NGLY1: variants seen among roughly 807,000 people sequenced by gnomAD.
NGLY1 encodes N-glycanase 1.
In NGLY1, 68 loss-of-function variants were observed where a neutral mutation model predicts 84.6. That is an observed-to-expected ratio of 0.80 (90% CI 0.66 to 0.98). The LOEUF is 0.98. Ranked by LOEUF, NGLY1 falls within the 50% of genes least tolerant of loss-of-function variation. The probability of loss-of-function intolerance (pLI) is 0.00; values close to 1 mark genes in which losing one functional copy is unlikely to be tolerated. For missense variants in NGLY1, 779 were observed against 770.2 expected (o/e 1.01, Z -0.14); for synonymous variants, 280 against 275.2 (o/e 1.02, Z -0.17).
At chr3:25,773,268 T>C (rs1247453417) in intron 2 of NGLY1, among the ~76,000 whole-genome samples, 1 of 152,124 alleles carries the variant, frequency 6.6e-6, no homozygotes, top group African/African-American at 2.4e-5. Flanking sequence ...ACACTAATTA[T>C]TCTTGGGTTT....
chr3:25,758,464 G>A (rs1385703959), intron 3 of NGLY1, among the ~76,000 whole-genome samples: 3 of 152,126 alleles, frequency 2.0e-5, no homozygotes, highest in African/African-American at 4.8e-5. Flanking sequence ...TGTAGTCCCA[G>A]CTACTTGGAA....
chr3:25,777,614 G>T (rs760707568), intron 2 of NGLY1: 3 of 152,146 alleles, frequency 2.0e-5, no homozygotes, highest in Non-Finnish European at 4.4e-5. Flanking sequence ...TACCTGAGAT[G>T]TTTCAAGTCA....
rs796112007 is a variant in NGLY1 at position 25,720,124 on chromosome 3, A to G, written c.1679T>C (p.Val560Ala). ...YISWKFECGS[V>A]GLKVDSISIR... ...AGAAATGCTATCTACTTTTAGGCCA[A>G]CTGACCCACACTCAAACTTCCAGGA... Residue 560 changes from valine to alanine, a missense_variant, in exon 11 of 12, where the codon GTT becomes GCT. Physicochemically the swap from Val to Ala is moderately conservative, Grantham distance 64 (BLOSUM62 0). Coordinates refer to ENST00000280700, the MANE Select transcript of NGLY1 (RefSeq NM_018297.4). The G allele has an allele frequency of 1.9e-6, 3 of 1,613,904 alleles. No homozygotes were observed. The highest frequency in any genetic ancestry group is 1.1e-5 in the South Asian group (1 of 91,066).
At chr3:25,737,154 A>C in intron 6 of NGLY1, 180 bp downstream of exon 6, 1 of 519,004 alleles carries the variant, frequency 1.9e-6, no homozygotes, top group Admixed American at 3.7e-5. Flanking sequence ...TGTTTTACAA[A>C]ACTCTTGTGA....
At chr3:25,767,565 A>C (rs1575654386) in intron 2 of NGLY1, among the ~76,000 whole-genome samples, 1 of 152,240 alleles carries the variant, frequency 6.6e-6, no homozygotes, top group Admixed American at 6.5e-5. Flanking sequence ...CTGTAGGGTC[A>C]CAGATCCATT....
At chr3:25,750,717 T>C (rs1045924314) in intron 4 of NGLY1, among the ~76,000 whole-genome samples, 6 of 152,218 alleles carry the variant, frequency 3.9e-5, no homozygotes, top group African/African-American at 9.6e-5. Flanking sequence ...TATACTATTA[T>C]TGTACTTCTT....
intron 8 of NGLY1, among the ~76,000 whole-genome samples, chr3:25,732,707 C>T (rs960863091): frequency 6.6e-6 from 1 of 152,166 alleles, no homozygotes; most frequent in African/African-American, 2.4e-5. Context: ...CTATTTCCAA[C>T]TCTCCATGAG....
At chr3:25,749,185 T>C (rs1444846240) in intron 4 of NGLY1, among the ~76,000 whole-genome samples, 2 of 152,198 alleles carry the variant, frequency 1.3e-5, no homozygotes, top group Non-Finnish European at 2.9e-5. Context: ...AACAGTATGG[T>C]GGTTCCTCAA....
In NGLY1 at chr3:25,731,071, T is replaced by C. The variant is rs1705515382; in HGVS notation, c.1425+1248A>G. Among the ~76,000 whole-genome samples, 3 of 152,072 alleles carry C rather than the reference T, an allele frequency of 2.0e-5. No individual in the cohort carries two copies. The South Asian group carries it at 6.2e-4, about 31-fold the overall frequency. On this transcript the variant is annotated intron_variant, in intron 9 of 11. Transcript: ENST00000280700. ...TTATATTTCCATTGTTATTTAATTT[T>C]GGAAGATTAATCATGTGGTATCTTA...
chr3:25,744,682 C>A (rs899544193), intron 4 of NGLY1, among the ~76,000 whole-genome samples: 1 of 152,182 alleles, frequency 6.6e-6, no homozygotes, highest in Admixed American at 6.5e-5. Flanking sequence ...ACTTCCCTTG[C>A]GGCTAAGTGT....
At position 25,720,179 on chromosome 3, in the gene NGLY1, G is replaced by T; in HGVS notation, c.1624C>A (p.Arg542=). The T allele has an allele frequency of 6.2e-7, 1 of 1,612,928 alleles. No individual in the cohort carries two copies. Among genetic ancestry groups the T allele is most frequent in the South Asian group, 1.1e-5 (1 of 90,972 alleles). The change falls in exon 11 of 12, where the codon CGA becomes AGA. Residue 542 remains arginine (R), a synonymous_variant. Transcript: ENST00000280700. The stretch of plus-strand genomic sequence containing the variant: ...TAAGCAAAAGATGATCCTTCCTTTC[G>T]GGCCAAATATACCTATAAGGAGTAG... ...ETDWHMVYLA[R]KEGSSFAYIS... is the part of the protein sequence containing the mutation.
intron 3 of NGLY1, among the ~76,000 whole-genome samples, chr3:25,757,389 G>A (rs944289327): frequency 6.6e-6 from 1 of 152,108 alleles, no homozygotes; most frequent in African/African-American, 2.4e-5. Context: ...AATAGTAGTA[G>A]GAAAATAACA....
rs549774667 is a variant in NGLY1, at chr3:25,764,374, C to T, written c.247-63G>A. 3.3e-6 allele frequency: 5 copies of T among 1,517,884 alleles called. No homozygotes were observed. In the South Asian group the frequency reaches 3.7e-5, roughly 11 times the overall value. The allele number at this position is 1,517,884 out of a possible 1,614,324, so 94.0% of individuals were successfully genotyped here. A position where few individuals can be genotyped will look rare whatever the true frequency, so the allele number is the denominator to read the frequency against. The stretch of plus-strand genomic sequence containing the variant: ...CTTTATGCAGTCATTCTTTTGTGCA[C>T]ACACACACAGAAATGTATAATGAAA... On this transcript the variant is annotated intron_variant, in intron 2 of 11. Coordinates refer to ENST00000280700, the MANE Select transcript of NGLY1 (RefSeq NM_018297.4).
At chr3:25,761,976 A>G (rs1262472070) in intron 3 of NGLY1, among the ~76,000 whole-genome samples, 1 of 152,218 alleles carries the variant, frequency 6.6e-6, no homozygotes, top group Admixed American at 6.5e-5. Flanking sequence ...TTCTATTAAC[A>G]TAAAATGTCC....
At chr3:25,733,466 C>CGTGTATGTGTGTGTGTGTGTGT (rs1491564606) in intron 8 of NGLY1, among the ~76,000 whole-genome samples, 7 of 134,124 alleles carry the variant, frequency 5.2e-5, no homozygotes, top group African/African-American at 1.9e-4. Flanking sequence ...CTCACATGGA[C>CGTGTATGTGTGTGTGTGTGTGT]GTGTGTGTGT....
chr3:25,749,392 A>G, intron 4 of NGLY1: 1 of 724,986 alleles, frequency 1.4e-6, no homozygotes, highest in Non-Finnish European at 2.4e-6. Context: ...AATGTGATAT[A>G]TACATAAACA....
upstream of NGLY1, among the ~76,000 whole-genome samples, chr3:25,787,859 G>A (rs1282236081): frequency 6.6e-6 from 1 of 152,192 alleles, no homozygotes; most frequent in East Asian, 1.9e-4. Flanking sequence ...GTTTGTGGAA[G>A]ATACCATGAC....
intron 6 of NGLY1, 145 bp downstream of exon 6, chr3:25,737,189 G>T: frequency 1.0e-5 from 6 of 589,560 alleles, no homozygotes; most frequent in African/African-American, 1.9e-5. Flanking sequence ...CTGGAAGGTT[G>T]GTATTATTAC....
chr3:25,780,493 A>G (rs928641315), intron 1 of NGLY1, among the ~76,000 whole-genome samples: 7 of 152,200 alleles, frequency 4.6e-5, no homozygotes, highest in Admixed American at 4.6e-4. Context: ...AGCTATTTTA[A>G]TCTATTCTTT....
Sources: gnomAD v4.1 joint callset for allele counts (sites outside exome capture counted in the v4.1 genomes callset) on GRCh38, gnomAD v4.1.1 for gene constraint, MANE v1.5 for transcripts, NCBI Gene and HGNC (gene_info 2026-07-23, HGNC 2026-07-21) for gene names.